Variants in CFAP61 observed in about 807,000 individuals in gnomAD.
CFAP61 encodes the protein cilia and flagella associated protein 61.
In CFAP61, 107 loss-of-function variants were observed where a neutral mutation model predicts 135.6. That is an observed-to-expected ratio of 0.79 (90% confidence interval 0.67 to 0.93). The LOEUF (loss-of-function observed/expected upper bound fraction) is 0.93. Among genes scored for constraint, CFAP61 ranks in the 40% least tolerant of loss-of-function variants. CFAP61 has a pLI of 0.00. For synonymous variants in CFAP61, 575 were observed against 578.5 expected (o/e 0.99, Z 0.09); for missense variants, 1,507 against 1,556.2 (o/e 0.97, Z 0.53).
At chr20:20,252,114 C>G (rs537853093) in intron 20 of CFAP61, among the ~76,000 whole-genome samples, 2 of 152,316 alleles carry the variant, frequency 1.3e-5, no homozygotes, top group East Asian at 3.9e-4. Flanking sequence ...TTAATTTATG[C>G]CTCAAGAGGC....
At chr20:20,121,978 G>A (rs1223432486) in intron 8 of CFAP61, among the ~76,000 whole-genome samples, 4 of 150,598 alleles carry the variant, frequency 2.7e-5, no homozygotes, top group Middle Eastern at 3.2e-3. Flanking sequence ...TAAGTTATTC[G>A]GGTACAGGTG....
intron 11 of CFAP61, 110 bp downstream of exon 11, chr20:20,164,338 TAATCTC>T: frequency 1.9e-6 from 2 of 1,065,920 alleles, no homozygotes; most frequent in South Asian, 3.2e-5. Context: ...GCCCACATCC[TAATCTC>T]CTGGGGAATT....
At chr20:20,107,188 A>G (rs2048468922) in intron 8 of CFAP61, among the ~76,000 whole-genome samples, 1 of 152,256 alleles carries the variant, frequency 6.6e-6, no homozygotes, top group South Asian at 2.1e-4. Flanking sequence ...AATCTGAGCC[A>G]AGCGGCTAAG....
At chr20:20,345,675 C>G (rs2058602492) in intron 26 of CFAP61, among the ~76,000 whole-genome samples, 1 of 152,038 alleles carries the variant, frequency 6.6e-6, no homozygotes, top group African/African-American at 2.4e-5. Flanking sequence ...AATCCCAGCA[C>G]TCTGGGAGGA....
At chr20:20,274,387 G>A (rs185348425) in intron 21 of CFAP61, among the ~76,000 whole-genome samples, 1 of 152,228 alleles carries the variant, frequency 6.6e-6, no homozygotes, top group African/African-American at 2.4e-5. Context: ...TGGGCCAGAT[G>A]CAGAGGCTCA....
intron 26 of CFAP61, among the ~76,000 whole-genome samples, chr20:20,348,965 T>G (rs184426584): frequency 2.6e-5 from 4 of 152,178 alleles, no homozygotes; most frequent in African/African-American, 9.7e-5. Flanking sequence ...TCACCACTTA[T>G]ATTCAGCATG....
intron 9 of CFAP61, among the ~76,000 whole-genome samples, chr20:20,155,265 A>G (rs1331862944): frequency 6.6e-6 from 1 of 152,206 alleles, no homozygotes; most frequent in Non-Finnish European, 1.5e-5. Context: ...ACCTTATACA[A>G]AGATCAACTC....
chr20:20,096,925 G>A (rs1419157554), intron 7 of CFAP61, among the ~76,000 whole-genome samples: 1 of 152,102 alleles, frequency 6.6e-6, no homozygotes, highest in Admixed American at 6.6e-5. Flanking sequence ...ATTTTAGGGG[G>A]CCTGTAAAGA....
intron 25 of CFAP61, among the ~76,000 whole-genome samples, chr20:20,306,043 G>A (rs185973723): frequency 1.3e-5 from 2 of 152,302 alleles, no homozygotes; most frequent in Admixed American, 1.3e-4. Context: ...TCTTATTGGC[G>A]ATCCTATTCT....
chr20:20,359,454 C>T lies in CFAP61; in HGVS notation c.3514-756C>T, dbSNP rs1241321239. Among the ~76,000 whole-genome samples, 2 of 151,966 alleles carry T rather than the reference C, an allele frequency of 1.3e-5. No individual in the cohort carries two copies. The highest frequency in any genetic ancestry group is 2.4e-5 in the African/African-American group (1 of 41,356). On this transcript the variant is annotated intron_variant, in intron 26 of 26. Transcript: ENST00000245957. This position sits in a 1 kb window ranked among gnomAD's most constrained non-coding sequence, Gnocchi z 4.0. ...CCGAGGTGGGCAGATCACCTGAGGT[C>T]GGGAGTTCAAGACCAGCCTGACCAA...
chr20:20,267,223 G>C (rs1487247752), intron 21 of CFAP61, among the ~76,000 whole-genome samples: 1 of 152,072 alleles, frequency 6.6e-6, no homozygotes. Flanking sequence ...GGGGGAGTTT[G>C]GATTGTGTCC....
chr20:20,340,073 A>G (rs2058376977), intron 25 of CFAP61, among the ~76,000 whole-genome samples: 1 of 152,224 alleles, frequency 6.6e-6, no homozygotes, highest in African/African-American at 2.4e-5. Context: ...CCCTGCCCTC[A>G]CCATGCAGGT....
At chr20:20,281,807 T>C (rs1030886194) in intron 22 of CFAP61, among the ~76,000 whole-genome samples, 8 of 152,238 alleles carry the variant, frequency 5.3e-5, no homozygotes, top group Non-Finnish European at 1.0e-4. Flanking sequence ...TCCTTGTTTA[T>C]TTTCTGAAAA....
At position 20,213,060 on chromosome 20, in the gene CFAP61, C is replaced by T. The variant is rs553296492; in HGVS notation, c.1932+13158C>T. Among the ~76,000 whole-genome samples, 91 of 152,214 alleles carry T rather than the reference C, an allele frequency of 6.0e-4. 1 individual carries two copies. The highest frequency in any genetic ancestry group is 2.1e-3 in the African/African-American group (88 of 41,516). On this transcript the variant is annotated intron_variant, in intron 17 of 26. Coordinates refer to ENST00000245957, the MANE Select transcript of CFAP61 (RefSeq NM_015585.4). ...TCTGATCAGGATCATTTAAGCAGAGCCCTGACTCCATAGAACACAGAGGTG... is the reference window on the plus strand; with the variant it reads ...TCTGATCAGGATCATTTAAGCAGAGTCCTGACTCCATAGAACACAGAGGTG...
Position 20,316,279 on chromosome 20 carries a change from G to A in CFAP61, c.3422+17893G>A, listed in dbSNP as rs201986022. ...CATCCCTTGTAAGTTGGATTCCTAG[G>A]TATTTTATTCTCTTTGAAGCAATTG... On this transcript the variant is annotated intron_variant, in intron 25 of 26. Coordinates refer to ENST00000245957, the MANE Select transcript of CFAP61 (RefSeq NM_015585.4). Among the ~76,000 whole-genome samples the A allele has an allele frequency of 2.0e-4, 31 of 152,004 alleles. No homozygotes were observed. The East Asian group carries it at 5.8e-3, about 28-fold the overall frequency.
At chr20:20,306,647 CATG>C (rs932405189) in intron 25 of CFAP61, among the ~76,000 whole-genome samples, 72 of 152,240 alleles carry the variant, frequency 4.7e-4, no homozygotes, top group Admixed American at 1.2e-3. Flanking sequence ...GGTGGGAGCC[CATG>C]TCTATTAACA....
intron 8 of CFAP61, among the ~76,000 whole-genome samples, chr20:20,131,084 T>A (rs2050491199): frequency 6.6e-6 from 1 of 151,776 alleles, no homozygotes; most frequent in Admixed American, 6.6e-5. Flanking sequence ...GGGGAAAGTG[T>A]GTCATAGATA....
intron 14 of CFAP61, among the ~76,000 whole-genome samples, chr20:20,190,838 G>T (rs1240334537): frequency 1.3e-5 from 2 of 152,156 alleles, no homozygotes; most frequent in Non-Finnish European, 2.9e-5. Context: ...CAACCCTGAG[G>T]CCAGGTATGG....
intron 25 of CFAP61, among the ~76,000 whole-genome samples, chr20:20,329,371 T>A (rs1338176269): frequency 6.6e-6 from 1 of 152,152 alleles, no homozygotes; most frequent in Non-Finnish European, 1.5e-5. Flanking sequence ...CACCTCTCTG[T>A]CCTGTGCTCC....
Sources: gnomAD v4.1 joint callset for allele counts (sites outside exome capture counted in the v4.1 genomes callset) on GRCh38, gnomAD v4.1.1 for gene constraint, Gnocchi (gnomAD v3.1) non-coding constraint, MANE v1.5 for transcripts, NCBI Gene and HGNC (gene_info 2026-07-23, HGNC 2026-07-21) for gene names.